MKLN1: variants seen among roughly 807,000 people sequenced by gnomAD.
MKLN1 encodes the protein muskelin 1.
Under a neutral mutation model 99.0 loss-of-function variants are expected in MKLN1, and 18 were observed. The observed-to-expected ratio is 0.18, with a 90% CI of 0.13 to 0.27. The LOEUF (loss-of-function observed/expected upper bound fraction) is 0.27, where lower values mean the gene tolerates loss of function less well. Ranked by LOEUF, MKLN1 falls within the 10% of genes least tolerant of loss-of-function variation. The pLI is 1.00. For synonymous variants in MKLN1, 288 were observed against 293.2 expected, an observed-to-expected ratio of 0.98 and a Z score of 0.18; for missense variants, 621 against 875.9, an observed-to-expected ratio of 0.71 and a Z score of 3.67.
At chr7:131,455,706 C>G (rs557808806) in intron 12 of MKLN1, among the ~76,000 whole-genome samples, 2 of 152,190 alleles carry the variant, frequency 1.3e-5, no homozygotes, top group South Asian at 4.1e-4. Flanking sequence ...GTTTATGTTG[C>G]AGGTCTTTTG....
chr7:131,438,749 A>G (rs929404446), intron 10 of MKLN1, among the ~76,000 whole-genome samples: 5 of 151,924 alleles, frequency 3.3e-5, no homozygotes, highest in Non-Finnish European at 5.9e-5. Context: ...TGAGGAGAAA[A>G]AGACTTCAAA....
chr7:131,419,253 T>C (rs1563338840), intron 8 of MKLN1, among the ~76,000 whole-genome samples: 1 of 38,862 alleles, frequency 2.6e-5, no homozygotes, highest in African/African-American at 7.5e-5. Context: ...TATATTTTTG[T>C]TTTTTTTTTT....
At chr7:131,191,885 T>A (rs939473572) in intron 2 of MKLN1, among the ~76,000 whole-genome samples, 1 of 150,256 alleles carries the variant, frequency 6.7e-6, no homozygotes, top group African/African-American at 2.4e-5. Flanking sequence ...GACTATTTTT[T>A]TTTTTTTGTA....
intron 3 of MKLN1, among the ~76,000 whole-genome samples, chr7:131,237,809 G>A (rs537741645): frequency 1.8e-4 from 27 of 152,138 alleles, no homozygotes; most frequent in Non-Finnish European, 3.1e-4. Context: ...TCAGCCTGGA[G>A]ACCAAGGGAT....
intron 3 of MKLN1, among the ~76,000 whole-genome samples, chr7:131,300,582 G>A (rs2116618831): frequency 6.7e-6 from 1 of 150,286 alleles, no homozygotes; most frequent in East Asian, 2.0e-4. Context: ...AGCTACTCCA[G>A]AGGCTAAGGC....
At chr7:131,422,811 A>G (rs1334282654) in intron 8 of MKLN1, among the ~76,000 whole-genome samples, 1 of 151,930 alleles carries the variant, frequency 6.6e-6, no homozygotes, top group East Asian at 1.9e-4. Flanking sequence ...GATGGCACAA[A>G]TTTTATTATT....
Position 131,295,759 on chromosome 7 carries a change from C to A in MKLN1, c.-178-79665C>A, listed in dbSNP as rs1798281539. Among the ~76,000 whole-genome samples, 4 of 151,820 alleles carry A rather than the reference C, an allele frequency of 2.6e-5. No individual in the cohort carries two copies. The South Asian group carries it at 8.3e-4, about 32-fold the overall frequency. On this transcript the variant is annotated intron_variant, in intron 3 of 7. Transcript: ENST00000416992. ...AATTAACTGGACATGGTGTTACTTG[C>A]CTGTAGTGCCAGCTTCAAGGGAGGC...
chr7:131,207,199 T>TTATA (rs951725845), intron 3 of MKLN1, among the ~76,000 whole-genome samples: 2 of 152,082 alleles, frequency 1.3e-5, no homozygotes, highest in Non-Finnish European at 2.9e-5. Flanking sequence ...TGTTATTTAT[T>TTATA]TTTATTTATT....
At chr7:131,350,651 G>C (rs557245732) in intron 1 of MKLN1, among the ~76,000 whole-genome samples, 45 of 152,298 alleles carry the variant, frequency 3.0e-4, no homozygotes, top group African/African-American at 9.9e-4. Flanking sequence ...TCTCTAATGT[G>C]GTGTTTTGCT....
At chr7:131,277,407 C>T (rs1197397058) in intron 3 of MKLN1, among the ~76,000 whole-genome samples, 2 of 152,042 alleles carry the variant, frequency 1.3e-5, no homozygotes, top group East Asian at 3.9e-4. Context: ...CCTCAGCCTC[C>T]TGAGTAGCTA....
chr7:131,325,900 T>TGGGG (rs67878395), upstream of MKLN1, among the ~76,000 whole-genome samples: 4 of 77,182 alleles, frequency 5.2e-5, no homozygotes, highest in Middle Eastern at 6.9e-3. Flanking sequence ...AGGAGAAAAG[T>TGGGG]GGGGGGGGGG....
Position 131,495,707 on chromosome 7 carries a change from T to C in MKLN1, c.*7979T>C, listed in dbSNP as rs1173094556. On this transcript the variant is annotated 3_prime_UTR_variant, in exon 18 of 18. Coordinates refer to ENST00000352689, the MANE Select transcript of MKLN1 (RefSeq NM_013255.5). ...TTTATATTCCTTTGAGCATTGCCGT[T>C]TTCTAGACAGACAATCCGAAAATAA... is the stretch of plus-strand genomic sequence containing the variant. The C allele has an allele frequency of 6.6e-6, 1 of 152,174 alleles. No individual in the cohort carries two copies. Among genetic ancestry groups the C allele is most frequent in the Non-Finnish European group, 1.5e-5 (1 of 68,044 alleles). 9.4% of individuals were successfully genotyped at this position (152,174 alleles called of 1,614,324 possible).
At chr7:131,251,093 ATGTGTGTGTGTGTG>A (rs34359037) in intron 3 of MKLN1, among the ~76,000 whole-genome samples, 2 of 146,162 alleles carry the variant, frequency 1.4e-5, no homozygotes, top group Admixed American at 1.4e-4. Flanking sequence ...TGGGGCCCAG[ATGTGTGTGTGTGTG>A]TGTGTGTGTG....
At chr7:131,315,236 G>A (rs1368439775) in intron 3 of MKLN1, among the ~76,000 whole-genome samples, 1 of 151,832 alleles carries the variant, frequency 6.6e-6, no homozygotes, top group Admixed American at 6.6e-5. Context: ...ATTCCATTGG[G>A]ACTGGTTAGA....
intron 3 of MKLN1, among the ~76,000 whole-genome samples, chr7:131,244,324 C>G (rs56131832): frequency 3.3e-5 from 5 of 152,146 alleles, no homozygotes; most frequent in Non-Finnish European, 5.9e-5. Flanking sequence ...CCCGCTCCTC[C>G]CTCCAACGCC....
intron 4 of MKLN1, among the ~76,000 whole-genome samples, chr7:131,396,188 A>G (rs999455837): frequency 4.6e-5 from 7 of 152,054 alleles, no homozygotes; most frequent in African/African-American, 1.7e-4. Context: ...TTCTCTTGCC[A>G]CAGCCTCCCA....
chr7:131,204,036 A>G (rs1796769283), intron 3 of MKLN1, among the ~76,000 whole-genome samples: 2 of 152,230 alleles, frequency 1.3e-5, no homozygotes, highest in African/African-American at 4.8e-5. Flanking sequence ...CTACCAAGCT[A>G]TACTTCTTGC....
chr7:131,242,949 G>T, intron 3 of MKLN1: 2 of 651,862 alleles, frequency 3.1e-6, no homozygotes. Flanking sequence ...CAAGTTTGAA[G>T]AGAGATACAA....
At chr7:131,412,981 T>C (rs185590241) in intron 7 of MKLN1, among the ~76,000 whole-genome samples, 1 of 152,342 alleles carries the variant, frequency 6.6e-6, no homozygotes, top group Non-Finnish European at 1.5e-5. Flanking sequence ...AAGACACACA[T>C]ATTATAGCAA....
Sources: allele counts gnomAD v4.1 joint callset (sites outside exome capture counted in the v4.1 genomes callset), GRCh38; gene constraint gnomAD v4.1.1; transcripts MANE v1.5; gene names NCBI Gene and HGNC (gene_info 2026-07-23, HGNC 2026-07-21).